IL1RAPL2: variants seen among roughly 807,000 people sequenced by gnomAD.
IL1RAPL2 encodes X-linked interleukin-1 receptor accessory protein-like 2.
A neutral mutation model predicts 44.1 loss-of-function variants in IL1RAPL2; 3 were observed. That is an observed-to-expected ratio of 0.07 (90% CI 0.03 to 0.18). The LOEUF (loss-of-function observed/expected upper bound fraction) is 0.18, where lower values mean the gene tolerates loss of function less well. IL1RAPL2 is among the 10% of genes least tolerant of loss of function. The probability of loss-of-function intolerance (pLI) is 1.00; values close to 1 mark genes in which losing one functional copy is unlikely to be tolerated. For missense variants in IL1RAPL2, 391 were observed against 496.4 expected (o/e 0.79, Z 2.02); for synonymous variants, 181 against 178.8 (o/e 1.01, Z -0.10).
At chrX:105,561,412 T>G (rs776385146) in intron 6 of IL1RAPL2, among the ~76,000 whole-genome samples, 1 of 111,762 alleles carries the variant, frequency 8.9e-6, no homozygotes, top group South Asian at 3.7e-4. Context: ...TCTTATTTGA[T>G]CTATATTTTC....
chrX:105,647,369 A>C (rs1187816616), intron 6 of IL1RAPL2, among the ~76,000 whole-genome samples: 1 of 112,044 alleles, frequency 8.9e-6, no homozygotes, highest in Non-Finnish European at 1.9e-5. Flanking sequence ...GGGGACCTAA[A>C]GGGGGTTCCC....
chrX:104,991,289 C>G (rs2030658191), intron 2 of IL1RAPL2, among the ~76,000 whole-genome samples: 1 of 111,610 alleles, frequency 9.0e-6, no homozygotes, highest in Non-Finnish European at 1.9e-5. Flanking sequence ...CTGTACATGT[C>G]TGAGGCTCAG....
At chrX:104,671,466 G>T (rs1050508035) in intron 2 of IL1RAPL2, among the ~76,000 whole-genome samples, 12 of 111,496 alleles carry the variant, frequency 1.1e-4, no homozygotes, top group Non-Finnish European at 9.4e-5. Flanking sequence ...TTTTCTCTGT[G>T]TACCTTTCGT....
chrX:105,603,241 CAA>C (rs758595129), intron 6 of IL1RAPL2, among the ~76,000 whole-genome samples: 14 of 74,328 alleles, frequency 1.9e-4, no homozygotes, highest in Admixed American at 3.1e-4. Flanking sequence ...TGAATGGATC[CAA>C]AAAAAAAAAA....
At chrX:105,384,303 A>T (rs1409651657) in intron 5 of IL1RAPL2, among the ~76,000 whole-genome samples, 1 of 110,972 alleles carries the variant, frequency 9.0e-6, no homozygotes, top group Non-Finnish European at 1.9e-5. Flanking sequence ...AGAGATAGGG[A>T]CCTAGTTTTA....
intron 2 of IL1RAPL2, among the ~76,000 whole-genome samples, chrX:104,890,516 T>A (rs1281186215): frequency 8.9e-6 from 1 of 112,305 alleles, no homozygotes; most frequent in African/African-American, 3.2e-5. Context: ...GGTATCTCAT[T>A]GTGGTTTTGA....
In IL1RAPL2 at chrX:105,575,436, T is replaced by C. The variant is rs756202302; in HGVS notation, c.772+91049T>C. Among the ~76,000 whole-genome samples, 7 of 111,964 alleles carry C rather than the reference T, an allele frequency of 6.3e-5. No homozygotes were observed. In the South Asian group the frequency reaches 2.6e-3, roughly 41 times the overall value. On this transcript the variant is annotated intron_variant, in intron 6 of 10. Transcript: ENST00000372582. ...AGAACATGCAGTATTTGGTTTTCTG[T>C]TTCTGTATTAATTTACTTAGGATAA...
At chrX:104,665,849 G>A (rs943943401) in intron 2 of IL1RAPL2, among the ~76,000 whole-genome samples, 6 of 111,207 alleles carry the variant, frequency 5.4e-5, no homozygotes, top group South Asian at 3.8e-4. Flanking sequence ...ACAATGCTGC[G>A]AGGAGTGCCC....
At chrX:104,862,180 A>G (rs1922511339) in intron 2 of IL1RAPL2, among the ~76,000 whole-genome samples, 1 of 111,253 alleles carries the variant, frequency 9.0e-6, no homozygotes, top group Admixed American at 9.6e-5. Flanking sequence ...AGGCTTGAAC[A>G]TGGGGGTCCT....
At chrX:105,151,172 C>A (rs542597759) in intron 2 of IL1RAPL2, among the ~76,000 whole-genome samples, 38 of 111,907 alleles carry the variant, frequency 3.4e-4, no homozygotes, top group African/African-American at 1.2e-3. Flanking sequence ...TGTCTCTGGA[C>A]CACTGCTTTG....
At chrX:105,697,904 T>A (rs1380283449) in intron 6 of IL1RAPL2, among the ~76,000 whole-genome samples, 4 of 111,681 alleles carry the variant, frequency 3.6e-5, no homozygotes, top group Non-Finnish European at 7.5e-5. Context: ...ATCCAGGGAA[T>A]TCTTGACATT....
In IL1RAPL2 at chrX:105,765,407, C is replaced by T. The variant is rs930421247; in HGVS notation, c.1364-1557C>T. On this transcript the variant is annotated intron_variant, in intron 10 of 10. Transcript: ENST00000372582. ...CTATTTCTGTGGTGTTTTTTTGTTTCATTTTGTTTTTGCAGATTTCACTGC... is the reference window on the plus strand; with the variant it reads ...CTATTTCTGTGGTGTTTTTTTGTTTTATTTTGTTTTTGCAGATTTCACTGC... 3.6e-5 allele frequency: 4 copies of T among 111,628 alleles called. No individual in the cohort carries two copies. The South Asian group carries it at 1.5e-3, about 42-fold the overall frequency. The allele number at this position is 111,628 out of a possible 1,213,427, so 9.2% of individuals were successfully genotyped here.
chrX:105,755,635 A>G, intron 10 of IL1RAPL2, among the ~76,000 whole-genome samples: 1 of 111,878 alleles, frequency 8.9e-6, no homozygotes, highest in Non-Finnish European at 1.9e-5. Flanking sequence ...AAAAATCTGT[A>G]AAAGTTAGTT....
At chrX:105,211,652 A>G (rs1556158080) in intron 3 of IL1RAPL2, among the ~76,000 whole-genome samples, 1 of 110,999 alleles carries the variant, frequency 9.0e-6, no homozygotes, top group African/African-American at 3.3e-5. Flanking sequence ...CCTGGTACCA[A>G]TTTCTGACAT....
intron 6 of IL1RAPL2, among the ~76,000 whole-genome samples, chrX:105,623,320 A>C (rs2037432752): frequency 9.1e-6 from 1 of 109,923 alleles, no homozygotes; most frequent in Non-Finnish European, 1.9e-5. Flanking sequence ...TACTACCTTT[A>C]TTAAGTGAGG....
chrX:105,009,154 G>C (rs2030999209), intron 2 of IL1RAPL2, among the ~76,000 whole-genome samples: 2 of 111,588 alleles, frequency 1.8e-5, no homozygotes, highest in South Asian at 3.8e-4. Context: ...GTTGGTGGGA[G>C]TGTAAATTAG....
intron 6 of IL1RAPL2, among the ~76,000 whole-genome samples, chrX:105,652,999 A>G (rs1433338342): frequency 9.0e-6 from 1 of 111,446 alleles, no homozygotes; most frequent in African/African-American, 3.3e-5. Flanking sequence ...CATCTACTGT[A>G]TACAAATACT....
At chrX:105,735,476 C>G (rs1415495168) in intron 7 of IL1RAPL2, among the ~76,000 whole-genome samples, 1 of 111,465 alleles carries the variant, frequency 9.0e-6, no homozygotes, top group Non-Finnish European at 1.9e-5. Context: ...TGAAATATAT[C>G]CCAGGATTCC....
intron 5 of IL1RAPL2, among the ~76,000 whole-genome samples, chrX:105,299,101 G>A (rs1179896797): frequency 9.0e-6 from 1 of 111,668 alleles, no homozygotes; most frequent in Non-Finnish European, 1.9e-5. Flanking sequence ...AATCAAATAA[G>A]CTTTTTTGTT....
Sources: gnomAD v4.1 joint callset for allele counts (sites outside exome capture counted in the v4.1 genomes callset) on GRCh38, gnomAD v4.1.1 for gene constraint, MANE v1.5 for transcripts, NCBI Gene and HGNC (gene_info 2026-07-23, HGNC 2026-07-21) for gene names.